MCC: variants seen among roughly 807,000 people sequenced by gnomAD.
The protein encoded by MCC is colorectal mutant cancer protein.
MCC carries 90 observed loss-of-function variants against 116.2 expected under a neutral mutation model. That is an observed-to-expected ratio of 0.77 (90% CI 0.65 to 0.92). The LOEUF is 0.92. Ranked by LOEUF, MCC falls within the 40% of genes least tolerant of loss-of-function variation. The pLI is 0.00. For missense variants in MCC, 1,516 were observed against 1,312.2 expected (o/e 1.16, Z -2.40); for synonymous variants, 578 against 510.5 (o/e 1.13, Z -1.78).
rs1192442752 is a variant in MCC, at chr5:113,101,658, G to A, written c.1398+81C>T. 1.6e-5 allele frequency: 22 copies of A among 1,397,154 alleles called. No homozygotes were observed. In the Admixed American group the frequency reaches 2.2e-4, roughly 14 times the overall value. The allele number at this position is 1,397,154 out of a possible 1,614,324, so 86.5% of individuals were successfully genotyped here. On this transcript the variant is annotated intron_variant, in intron 8 of 18. Coordinates refer to ENST00000408903, the MANE Select transcript of MCC (RefSeq NM_001085377.2). ...ATTACAAATGCCACAAAATTCTCACGGTGCCCCTGGTGCTATACACCAGCC... is the reference window on the plus strand; with the variant it reads ...ATTACAAATGCCACAAAATTCTCACAGTGCCCCTGGTGCTATACACCAGCC...
intron 15 of MCC, among the ~76,000 whole-genome samples, chr5:113,052,647 C>A (rs1752559671): frequency 1.3e-5 from 2 of 152,146 alleles, no homozygotes; most frequent in South Asian, 2.1e-4. Flanking sequence ...ATGGTGCGAC[C>A]AGGGGGTTGT....
intron 16 of MCC, among the ~76,000 whole-genome samples, chr5:113,046,710 A>AAAAAAAAAAAAAAAAAAAAGAG: frequency 4.9e-5 from 5 of 102,462 alleles, no homozygotes; most frequent in African/African-American, 1.2e-4. Context: ...AAAAAAAAAA[A>AAAAAAAAAAAAAAAAAAAAGAG]AGAGAGAGAT....
At chr5:113,133,471 C>CT (rs200574416) in intron 5 of MCC, among the ~76,000 whole-genome samples, 169 of 146,590 alleles carry the variant, frequency 1.2e-3, no homozygotes, top group Middle Eastern at 7.1e-3. Context: ...GGATTTCATT[C>CT]TTTTTTTTTT....
intron 17 of MCC, among the ~76,000 whole-genome samples, chr5:113,041,869 G>C (rs1039275658): frequency 2.0e-5 from 3 of 151,720 alleles, no homozygotes; most frequent in Non-Finnish European, 1.5e-5. Flanking sequence ...GGTGGCGTGT[G>C]CCTGTAGTGC....
chr5:113,160,040 G>A (rs1285086433), intron 3 of MCC, among the ~76,000 whole-genome samples: 1 of 152,146 alleles, frequency 6.6e-6, no homozygotes, highest in East Asian at 1.9e-4. Context: ...CTGAAATTCA[G>A]TTGCTCAAAA....
chr5:113,458,404 C>G (rs1771642665), intron 1 of MCC, among the ~76,000 whole-genome samples: 3 of 151,688 alleles, frequency 2.0e-5, no homozygotes, highest in Admixed American at 1.3e-4. Flanking sequence ...CACGAACCCA[C>G]CAGAAGGAAG....
intron 1 of MCC, among the ~76,000 whole-genome samples, chr5:113,420,284 C>G (rs1770292683): frequency 6.8e-6 from 1 of 148,076 alleles, no homozygotes; most frequent in African/African-American, 2.6e-5. Context: ...GCAACAACAA[C>G]AGCACCAAAA....
At chr5:113,104,600 C>T (rs903696836) in intron 6 of MCC, 4 of 362,994 alleles carry the variant, frequency 1.1e-5, no homozygotes, top group Non-Finnish European at 2.0e-5. Flanking sequence ...TCAAAGCAGC[C>T]ACATCTTGAG....
chr5:113,444,018 T>TGTGC (rs971104692), intron 1 of MCC, among the ~76,000 whole-genome samples: 2 of 151,798 alleles, frequency 1.3e-5, no homozygotes, highest in African/African-American at 4.8e-5. Context: ...TGTGTGTGTG[T>TGTGC]GTGTTTAGTA....
rs763419606 is a variant in MCC, at chr5:113,022,130, A to G, written c.*5172T>C. 73 of 152,568 alleles carry G rather than the reference A, an allele frequency of 4.8e-4. No individual in the cohort carries two copies. Among genetic ancestry groups the G allele is most frequent in the Non-Finnish European group, 9.4e-4 (64 of 68,036 alleles). The allele number at this position is 152,568 out of a possible 1,614,324, so 9.5% of individuals were successfully genotyped here. A position where few individuals can be genotyped will look rare whatever the true frequency, so the allele number is the denominator to read the frequency against. ...GTGGAATTAGAAATATTTATTCAGAATATAAGAATGTTTGTAAAATATTAT... is the reference window on the plus strand; with the variant it reads ...GTGGAATTAGAAATATTTATTCAGAGTATAAGAATGTTTGTAAAATATTAT... On this transcript the variant is annotated 3_prime_UTR_variant, in exon 19 of 19. Transcript: ENST00000408903.
chr5:113,032,078 A>T (rs1206793103), intron 17 of MCC, among the ~76,000 whole-genome samples: 1 of 152,232 alleles, frequency 6.6e-6, no homozygotes, highest in African/African-American at 2.4e-5. Context: ...TTTCATGACA[A>T]CACAAAAAAA....
intron 1 of MCC, among the ~76,000 whole-genome samples, chr5:113,458,929 C>A (rs1194175511): frequency 6.6e-6 from 1 of 152,204 alleles, no homozygotes; most frequent in East Asian, 1.9e-4. Context: ...AAAGGGCTTT[C>A]ACCTCAGCAA....
chr5:113,324,762 A>G (rs1767509589), intron 3 of MCC, among the ~76,000 whole-genome samples: 1 of 152,200 alleles, frequency 6.6e-6, no homozygotes, highest in South Asian at 2.1e-4. Context: ...CCTTAATTTC[A>G]GCCTACCTTT....
rs75038892 is a variant in MCC at position 113,453,357 on chromosome 5, C to A, written c.170+34888G>T. On this transcript the variant is annotated intron_variant, in intron 1 of 18. Coordinates refer to ENST00000408903, the MANE Select transcript of MCC (RefSeq NM_001085377.2). ...ACCACCAAGAAATGTTGTAGAACAG[C>A]TTTTTTAAACAAGTGAAAATTAAGT... Among the ~76,000 whole-genome samples the A allele has an allele frequency of 7.3e-3, 1,116 of 152,198 alleles. 12 individuals carry two copies. Among genetic ancestry groups the A allele is most frequent in the African/African-American group, 0.025 (1,021 of 41,532 alleles).
intron 1 of MCC, among the ~76,000 whole-genome samples, chr5:113,395,545 C>T (rs186478016): frequency 1.3e-5 from 2 of 152,298 alleles, no homozygotes; most frequent in East Asian, 3.9e-4. Context: ...ATGTAATTGA[C>T]TATTCCCCTA....
intron 1 of MCC, among the ~76,000 whole-genome samples, chr5:113,459,743 AG>A (rs777196744): frequency 1.3e-3 from 197 of 151,974 alleles, no homozygotes; most frequent in Admixed American, 2.2e-3. Context: ...CTGACTTAAA[AG>A]TCAAAGGGCA....
intron 1 of MCC, among the ~76,000 whole-genome samples, chr5:113,474,148 T>C (rs945068087): frequency 1.3e-5 from 2 of 152,202 alleles, no homozygotes; most frequent in Non-Finnish European, 2.9e-5. Flanking sequence ...GCATTTGAAG[T>C]GTTTCTATTA....
At chr5:113,043,880 C>A (rs566350974) in intron 16 of MCC, among the ~76,000 whole-genome samples, 56 of 152,344 alleles carry the variant, frequency 3.7e-4, no homozygotes, top group African/African-American at 1.3e-3. Flanking sequence ...TCTGAGCAGC[C>A]GCTGATGCCA....
At chr5:113,341,269 A>G (rs187041347) in intron 2 of MCC, among the ~76,000 whole-genome samples, 1 of 147,252 alleles carries the variant, frequency 6.8e-6, no homozygotes, top group African/African-American at 2.5e-5. Flanking sequence ...TTGTTCTGTC[A>G]TCCAGGTGGG....
Sources: allele counts gnomAD v4.1 joint callset (sites outside exome capture counted in the v4.1 genomes callset), GRCh38; gene constraint gnomAD v4.1.1; transcripts MANE v1.5; gene names NCBI Gene and HGNC (gene_info 2026-07-23, HGNC 2026-07-21).